Variants in ANXA6 observed in about 807,000 individuals in gnomAD.
The protein encoded by ANXA6 is annexin A6, also known as 67 kDa calelectrin.
Under a neutral mutation model 95.4 loss-of-function variants are expected in ANXA6, and 71 were observed. That is an observed-to-expected ratio of 0.74 (90% CI 0.61 to 0.91). The LOEUF (loss-of-function observed/expected upper bound fraction) is 0.91. Ranked by LOEUF, ANXA6 falls within the 40% of genes least tolerant of loss-of-function variation. The pLI is 0.00. For missense variants in ANXA6, 830 were observed against 876.4 expected, an observed-to-expected ratio of 0.95 and a Z score of 0.67; for synonymous variants, 289 against 315.9, an observed-to-expected ratio of 0.91 and a Z score of 0.90.
chr5:151,102,906 G>C (rs1764587794), intron 25 of ANXA6, among the ~76,000 whole-genome samples: 1 of 152,124 alleles, frequency 6.6e-6, no homozygotes, highest in African/African-American at 2.4e-5. Flanking sequence ...CTGCATTATG[G>C]GAATGGTTGT....
intron 5 of ANXA6, among the ~76,000 whole-genome samples, chr5:151,137,955 T>G (rs1165699965): frequency 6.6e-6 from 1 of 152,240 alleles, no homozygotes; most frequent in East Asian, 1.9e-4. Flanking sequence ...AGAAACTATC[T>G]TTTTGGGCCT....
intron 18 of ANXA6, among the ~76,000 whole-genome samples, chr5:151,118,577 G>A (rs943896616): frequency 5.9e-5 from 9 of 152,106 alleles, no homozygotes; most frequent in African/African-American, 1.7e-4. Flanking sequence ...GGGGCTACAG[G>A]CGCATGCCAC....
chr5:151,146,624 G>A (rs1466034407), intron 2 of ANXA6, among the ~76,000 whole-genome samples: 1 of 152,144 alleles, frequency 6.6e-6, no homozygotes, highest in Non-Finnish European at 1.5e-5. Context: ...TGCATTCTGT[G>A]GCCAGTAGTT....
chr5:151,123,799 G>A (rs908425651), intron 15 of ANXA6, among the ~76,000 whole-genome samples: 21 of 152,192 alleles, frequency 1.4e-4, no homozygotes, highest in African/African-American at 4.8e-4. Flanking sequence ...GAACCTGTGG[G>A]TGCAGTACTC....
At chr5:151,111,123 G>A (rs1764836483) in intron 20 of ANXA6, among the ~76,000 whole-genome samples, 1 of 152,226 alleles carries the variant, frequency 6.6e-6, no homozygotes, top group South Asian at 2.1e-4. Flanking sequence ...TCATGTTACA[G>A]ACAGGAAAGA....
chr5:151,153,161 C>T (rs1419738382), intron 1 of ANXA6, among the ~76,000 whole-genome samples: 2 of 152,162 alleles, frequency 1.3e-5, no homozygotes, highest in Non-Finnish European at 2.9e-5. Context: ...TCACCACTTT[C>T]CTCTTTGCCC....
intron 7 of ANXA6, 116 bp from the exon 8 acceptor site, chr5:151,134,599 A>T: frequency 1.0e-6 from 1 of 999,180 alleles, no homozygotes; most frequent in Non-Finnish European, 1.6e-6. Context: ...AGATGTGTCC[A>T]GAAGCAGTGA....
intron 21 of ANXA6, among the ~76,000 whole-genome samples, 157 bp from the exon 22 acceptor site, chr5:151,110,003 C>A (rs1357773400): frequency 1.3e-5 from 2 of 152,190 alleles, no homozygotes; most frequent in Non-Finnish European, 2.9e-5. Flanking sequence ...CTTCCTTCCT[C>A]AAGCACAATG....
intron 25 of ANXA6, among the ~76,000 whole-genome samples, chr5:151,102,892 C>T (rs187164865): frequency 9.9e-5 from 15 of 152,248 alleles, no homozygotes; most frequent in Admixed American, 2.6e-4. Flanking sequence ...TGTTTGGAAA[C>T]CAGCTGCATT....
chr5:151,136,095 CGA>C (rs375068832), intron 7 of ANXA6, among the ~76,000 whole-genome samples, 159 bp downstream of exon 7: 1 of 152,098 alleles, frequency 6.6e-6, no homozygotes, highest in Non-Finnish European at 1.5e-5. Flanking sequence ...CTCCTGGGCA[CGA>C]GAGGACTGTG....
intron 22 of ANXA6, among the ~76,000 whole-genome samples, chr5:151,108,845 G>C (rs963402876): frequency 6.6e-6 from 1 of 152,186 alleles, no homozygotes; most frequent in Non-Finnish European, 1.5e-5. Flanking sequence ...GGTAGTAAAA[G>C]GAGCACGGGT....
chr5:151,102,106 G>A (rs1311232308), intron 25 of ANXA6, among the ~76,000 whole-genome samples: 2 of 152,208 alleles, frequency 1.3e-5, no homozygotes, highest in East Asian at 1.9e-4. Flanking sequence ...TCTGGTATAC[G>A]TTCAGACTGG....
intron 21 of ANXA6, 142 bp downstream of exon 21, chr5:151,110,485 T>C: frequency 1.1e-6 from 1 of 891,864 alleles, no homozygotes; most frequent in Admixed American, 2.4e-5. Flanking sequence ...GCCTATCTTT[T>C]ACCAAGCAGG....
intron 17 of ANXA6, 126 bp downstream of exon 17, chr5:151,122,021 C>T (rs966117243): frequency 7.2e-6 from 4 of 554,296 alleles, no homozygotes; most frequent in Admixed American, 4.2e-5. Context: ...TGTGTTTATG[C>T]CAGTTTGAAC....
At chr5:151,128,423 C>A (rs2113926241) in intron 12 of ANXA6, 184 bp from the exon 13 acceptor site, 2 of 580,732 alleles carry the variant, frequency 3.4e-6, no homozygotes, top group Middle Eastern at 4.1e-4. Flanking sequence ...TTGGAGGAAG[C>A]CCTAATTTAT....
In ANXA6 at chr5:151,136,591, G is replaced by A. The variant is rs200328294; in HGVS notation, c.410-256C>T. On this transcript the variant is annotated intron_variant, in intron 6 of 25. Coordinates refer to ENST00000354546, the MANE Select transcript of ANXA6 (RefSeq NM_001155.5). ...ACCTGGACAGTGGCTACAGCTTTCC[G>A]ATGGTTCTCTCCTCCTCTATTCTCA... Among the ~76,000 whole-genome samples the A allele has an allele frequency of 1.9e-4, 29 of 152,244 alleles. 1 individual carries two copies. The South Asian group carries it at 3.1e-3, about 16-fold the overall frequency.
chr5:151,108,689 C>A, intron 22 of ANXA6, 139 bp from the exon 23 acceptor site: 1 of 728,946 alleles, frequency 1.4e-6, no homozygotes, highest in Non-Finnish European at 2.4e-6. Context: ...ACAGCCCAGG[C>A]CTAAATGCAT....
intron 23 of ANXA6, among the ~76,000 whole-genome samples, chr5:151,107,330 A>G (rs551856576): frequency 3.3e-5 from 5 of 152,356 alleles, no homozygotes; most frequent in South Asian, 4.1e-4. Context: ...CACTTTACAA[A>G]GGAGGAAATT....
Position 151,132,703 on chromosome 5 carries a change from T to C in ANXA6, c.641-132A>G, listed in dbSNP as rs979744484. 7.1e-6 allele frequency: 5 copies of C among 701,270 alleles called. No individual in the cohort carries two copies. In the African/African-American group the frequency reaches 9.0e-5, roughly 13 times the overall value. The allele number at this position is 701,270 out of a possible 1,614,324, so 43.4% of individuals were successfully genotyped here. ...CATGAAGCTAGGGCTGGTGCTATGA[T>C]GGAGGCGACTGGGAGGTCACGCACA... On this transcript the variant is annotated intron_variant, in intron 9 of 25. Coordinates refer to ENST00000354546, the MANE Select transcript of ANXA6 (RefSeq NM_001155.5).
Sources: allele counts gnomAD v4.1 joint callset (sites outside exome capture counted in the v4.1 genomes callset), GRCh38; gene constraint gnomAD v4.1.1; transcripts MANE v1.5; gene names NCBI Gene and HGNC (gene_info 2026-07-23, HGNC 2026-07-21).